The following CD81 variants were observed in gnomAD, a reference collection of about 807,000 sequenced individuals.
The protein encoded by CD81 is CD81 antigen.
CD81 carries 10 observed loss-of-function variants against 30.1 expected under a neutral mutation model. The observed-to-expected ratio is 0.33, with a 90% confidence interval of 0.21 to 0.56. The LOEUF is 0.56. Ranked by LOEUF, CD81 falls within the 20% of genes least tolerant of loss-of-function variation. The pLI, the probability that CD81 is intolerant of heterozygous loss-of-function variation, is 0.89. For synonymous variants in CD81, 147 were observed against 126.4 expected, an observed-to-expected ratio of 1.16 and a Z score of -1.10; for missense variants, 263 against 308.7, an observed-to-expected ratio of 0.85 and a Z score of 1.11.
chr11:2,380,139 A>G (rs1849679758), intron 1 of CD81, among the ~76,000 whole-genome samples: 1 of 152,076 alleles, frequency 6.6e-6, no homozygotes, highest in African/African-American at 2.4e-5. Context: ...CAGGGGTCCA[A>G]AGGGACCTCT....
Position 2,377,622 on chromosome 11 carries a change from G to A in CD81, c.66+7G>A. 6.5e-7 allele frequency: 1 copy of A among 1,536,852 alleles called. No homozygotes were observed. Among genetic ancestry groups the A allele is most frequent in the East Asian group, 2.6e-5 (1 of 39,204 alleles). ...CTTCAATTTCGTCTTCTGGGTAAGG[G>A]CTGCGCCGGGGGCCGGGGCGGGAGG... On this transcript the variant is annotated splice_region_variant and intron_variant, in intron 1 of 7. Coordinates refer to ENST00000263645, the MANE Select transcript of CD81 (RefSeq NM_004356.4). The surrounding 1 kb of genome is among the most constrained non-coding windows in gnomAD (Gnocchi z 7.7).
chr11:2,385,577 C>T lies in CD81; in HGVS notation c.67-4835C>T, dbSNP rs572486920. 1.9e-3 allele frequency: 514 copies of T among 270,268 alleles called. 33 individuals are homozygous for T. The highest frequency in any genetic ancestry group is 0.017 in the South Asian group (502 of 28,958). 16.7% of individuals were successfully genotyped at this position (270,268 alleles called of 1,614,324 possible). A position where few individuals can be genotyped will look rare whatever the true frequency, so the allele number is the denominator to read the frequency against. Reference sequence around the variant, plus strand: ...GCCTGTCTGTGCACCCGTGCTGTGGCGTGCCCGTCGTCTGTGTGGCATGCC... The same window carrying T: ...GCCTGTCTGTGCACCCGTGCTGTGGTGTGCCCGTCGTCTGTGTGGCATGCC... On this transcript the variant is annotated intron_variant, in intron 1 of 7. Transcript: ENST00000263645.
At chr11:2,387,738 G>A (rs1849821850) in intron 1 of CD81, among the ~76,000 whole-genome samples, 1 of 152,224 alleles carries the variant, frequency 6.6e-6, no homozygotes. Flanking sequence ...TTCCAGCGCT[G>A]CCCGCAGGTG....
At position 2,395,483 on chromosome 11, in the gene CD81, A is replaced by T. The variant is rs754554237; in HGVS notation, c.422A>T (p.Asn141Ile). The change falls in exon 5 of 8, where the codon AAC becomes ATC. Residue 141 changes from asparagine to isoleucine, a missense_variant. By Grantham distance (149) the Asn-to-Ile change is moderately radical. Coordinates refer to ENST00000263645, the MANE Select transcript of CD81 (RefSeq NM_004356.4). ...LQQAVVDDDA[N>I]NAKAVVKTFH... ...CAGGCCGTGGTGGATGATGACGCCAACAACGCCAAGGCTGTGGTGAAGACC... is the reference window on the plus strand; with the variant it reads ...CAGGCCGTGGTGGATGATGACGCCATCAACGCCAAGGCTGTGGTGAAGACC... The T allele has an allele frequency of 1.2e-6, 2 of 1,612,732 alleles. No homozygotes were observed. The highest frequency in any genetic ancestry group is 4.5e-5 in the East Asian group (2 of 44,864).
Position 2,386,084 on chromosome 11 carries a change from C to T in CD81, c.67-4328C>T, listed in dbSNP as rs1012311551. On this transcript the variant is annotated intron_variant, in intron 1 of 7. Transcript: ENST00000263645. ...AGCATGTGGTGTGGTTGGTCTTTTT[C>T]GTGGCAGCCAGTCCACTGGGTGCGC... 4.2e-5 allele frequency: 30 copies of T among 717,282 alleles called. 1 individual carries two copies. In the East Asian group the frequency reaches 5.4e-4, roughly 13 times the overall value. The allele number at this position is 717,282 out of a possible 1,614,324, so 44.4% of individuals were successfully genotyped here.
chr11:2,391,595 C>G lies in CD81; in HGVS notation c.181+1069C>G, dbSNP rs1849901527. The G allele has an allele frequency of 3.3e-5, 5 of 152,216 alleles. No individual in the cohort carries two copies. The South Asian group carries it at 1.0e-3, about 32-fold the overall frequency. 9.4% of individuals were successfully genotyped at this position (152,216 alleles called of 1,614,324 possible). ...TGTCAACAGGGATGGTCCCTGTCCT[C>G]CCCAGAGACAGAAGCCTGTGGCCCA... is the stretch of plus-strand genomic sequence containing the variant. On this transcript the variant is annotated intron_variant, in intron 2 of 7. Transcript: ENST00000263645.
intron 1 of CD81, chr11:2,385,903 C>G: frequency 3.1e-6 from 2 of 653,424 alleles, no homozygotes; most frequent in Non-Finnish European, 5.7e-6. Flanking sequence ...GTTCATTTCT[C>G]TTGGGTAAAT....
At chr11:2,393,694 C>T in intron 2 of CD81, 1 of 587,110 alleles carries the variant, frequency 1.7e-6, no homozygotes, top group South Asian at 2.0e-5. Flanking sequence ...ATGCCACTCC[C>T]ACCCCACGCC....
Position 2,395,034 on chromosome 11 carries a change from C to T in CD81, c.342C>T (p.Val114=), listed in dbSNP as rs1327630677. 15 of 1,608,238 alleles carry T rather than the reference C, an allele frequency of 9.3e-6. No individual in the cohort carries two copies. The highest frequency in any genetic ancestry group is 1.2e-5 in the Non-Finnish European group (14 of 1,176,836). ...CEVAAGIWGF[V]NKDQIAKDVK... is the part of the protein sequence containing the mutation. ...TGGCCGCCGGCATCTGGGGCTTTGT[C>T]AACAAGGACCAGGTGAGCCTGGGTG... Residue 114 remains valine (V), a synonymous_variant, in exon 4 of 8, where the codon GTC becomes GTT. Transcript: ENST00000263645.
At chr11:2,381,921 C>T (rs1237812406) in intron 1 of CD81, among the ~76,000 whole-genome samples, 3 of 152,340 alleles carry the variant, frequency 2.0e-5, no homozygotes, top group African/African-American at 7.2e-5. Flanking sequence ...GGGCAGCCTT[C>T]CAGGAACCTC....
At chr11:2,380,794 C>T (rs890601243) in intron 1 of CD81, among the ~76,000 whole-genome samples, 103 of 152,292 alleles carry the variant, frequency 6.8e-4, no homozygotes, top group African/African-American at 2.2e-3. Context: ...GTCTTCTCCT[C>T]GGGGGCTGGC....
In CD81 at chr11:2,386,470, G is replaced by A. The variant is rs1253495004; in HGVS notation, c.67-3942G>A. On this transcript the variant is annotated intron_variant, in intron 1 of 7. Transcript: ENST00000263645. ...TTTGGTGCTGCCATTGCCCTCCCTC[G>A]TAGGTGGCCCTAGGGGGGTCCCTCC... 3.7e-5 allele frequency: 26 copies of A among 698,820 alleles called. 1 individual carries two copies. The highest frequency in any genetic ancestry group is 5.4e-5 in the Non-Finnish European group (20 of 373,042). The allele number at this position is 698,820 out of a possible 1,614,324, so 43.3% of individuals were successfully genotyped here. A position where few individuals can be genotyped will look rare whatever the true frequency, so the allele number is the denominator to read the frequency against.
At position 2,378,453 on chromosome 11, in the gene CD81, G is replaced by T. The variant is rs1849639293; in HGVS notation, c.66+838G>T. Among the ~76,000 whole-genome samples the T allele has an allele frequency of 6.6e-6, 1 of 152,224 alleles. No individual in the cohort carries two copies. The highest frequency in any genetic ancestry group is 2.4e-5 in the African/African-American group (1 of 41,468). On this transcript the variant is annotated intron_variant, in intron 1 of 7. Coordinates refer to ENST00000263645, the MANE Select transcript of CD81 (RefSeq NM_004356.4). The surrounding 1 kb of genome is among the most constrained non-coding windows in gnomAD (Gnocchi z 4.9). ...CGGGAGTGGGGCCGCTGCTTTGCAA[G>T]AGGGGCCCCCACGCTGGGCATCTTT... is the stretch of plus-strand genomic sequence containing the variant.
chr11:2,395,915 T>C lies in CD81; in HGVS notation c.506T>C (p.Val169Ala), dbSNP rs1481505506. 14 of 1,612,608 alleles carry C rather than the reference T, an allele frequency of 8.7e-6. No homozygotes were observed. The South Asian group carries it at 1.1e-4, about 13-fold the overall frequency. ...ACACTGACTGCTTTGACCACCTCAGTGCTCAAGAACAATTTGTGTCCCTCG... is the reference window on the plus strand; with the variant it reads ...ACACTGACTGCTTTGACCACCTCAGCGCTCAAGAACAATTTGTGTCCCTCG... ...SSTLTALTTS[V>A]LKNNLCPSGS... is the part of the protein sequence containing the mutation. Residue 169 changes from valine (V) to alanine (A), a missense_variant, in exon 6 of 8, where the codon GTG becomes GCG. Val to Ala is a moderately conservative substitution (Grantham distance 64). Around this residue, in one of 3 missense-constraint regions of CD81, gnomAD observed 176 missense variants for 192.9 expected, o/e 0.91. Transcript: ENST00000263645.
intron 1 of CD81, among the ~76,000 whole-genome samples, chr11:2,382,070 C>G (rs1849713715): frequency 6.6e-6 from 1 of 152,108 alleles, no homozygotes; most frequent in Non-Finnish European, 1.5e-5. Flanking sequence ...GCCCCCAGTG[C>G]TGGAGGAGTC....
Position 2,397,325 on chromosome 11 carries a change from A to C in CD81, c.*459A>C. ...TGCCTTCATGCACCTGTCCTTTCTA[A>C]CACGTCGCCTTCAACTGTAATCACA... On this transcript the variant is annotated 3_prime_UTR_variant, in exon 8 of 8. Coordinates refer to ENST00000263645, the MANE Select transcript of CD81 (RefSeq NM_004356.4). The C allele has an allele frequency of 4.5e-6, 1 of 222,558 alleles. No individual in the cohort carries two copies. Among genetic ancestry groups the C allele is most frequent in the Non-Finnish European group, 8.9e-6 (1 of 111,804 alleles). The allele number at this position is 222,558 out of a possible 1,614,324, so 13.8% of individuals were successfully genotyped here.
chr11:2,385,530 G>A (rs1333877211), intron 1 of CD81: 2 of 262,744 alleles, frequency 7.6e-6, no homozygotes, highest in Non-Finnish European at 7.6e-6. Context: ...GTGCTGTGGC[G>A]TGCCCGTCGT....
chr11:2,381,836 G>T (rs182543145), intron 1 of CD81, among the ~76,000 whole-genome samples: 4 of 152,356 alleles, frequency 2.6e-5, no homozygotes, highest in Admixed American at 2.6e-4. Context: ...GGCTCTCCCA[G>T]AAATGGGCTT....
rs1177134762 is a variant in CD81 at position 2,378,274 on chromosome 11, T to G, written c.66+659T>G. ...TGCGCGCACCCTGGCCGTCCCTGCC[T>G]GGGAGCCGATCTCCCTCTCCTCACC... On this transcript the variant is annotated intron_variant, in intron 1 of 7. Transcript: ENST00000263645. This position sits in a 1 kb window ranked among gnomAD's most constrained non-coding sequence, Gnocchi z 4.9. 6.6e-6 allele frequency among the ~76,000 whole-genome samples: 1 copy of G among 152,000 alleles called. No homozygotes were observed. The highest frequency in any genetic ancestry group is 1.5e-5 in the Non-Finnish European group (1 of 67,978).
Sources: gnomAD v4.1 joint callset for allele counts (sites outside exome capture counted in the v4.1 genomes callset) on GRCh38, gnomAD v4.1.1 for gene constraint, gnomAD v4.1.1 regional missense constraint, Gnocchi (gnomAD v3.1) non-coding constraint, MANE v1.5 for transcripts, NCBI Gene and HGNC (gene_info 2026-07-23, HGNC 2026-07-21) for gene names.